LYZL1: variants seen among roughly 807,000 people sequenced by gnomAD.
The protein encoded by LYZL1 is lysozyme-like protein 1.
In LYZL1, 16 loss-of-function variants were observed where a neutral mutation model predicts 17.9. That is an observed-to-expected ratio of 0.90 (90% CI 0.61 to 1.36). LYZL1 has a LOEUF of 1.36. Ranked by LOEUF, LYZL1 falls within the 40% of genes most tolerant of loss-of-function variation. LYZL1 has a pLI of 0.00. For missense variants in LYZL1, 149 were observed against 188.4 expected (o/e 0.79, Z 1.22); for synonymous variants, 58 against 71.8 (o/e 0.81, Z 0.97).
chr10:29,306,549 CAAAAAAAAAAAAAAAAAA>C (rs58001118), intron 3 of LYZL1, among the ~76,000 whole-genome samples: 3 of 48,794 alleles, frequency 6.1e-5, no homozygotes, highest in Non-Finnish European at 1.1e-4. Flanking sequence ...GACTCCGTCT[CAAAAAAAAAAAAAAAAAA>C]AAAAAAAAGA....
downstream of LYZL1, among the ~76,000 whole-genome samples, chr10:29,312,421 T>C (rs1372076566): frequency 6.6e-6 from 1 of 152,068 alleles, no homozygotes; most frequent in Non-Finnish European, 1.5e-5. Context: ...TCAGCTATTG[T>C]TAGTGTATTT....
intron 3 of LYZL1, among the ~76,000 whole-genome samples, chr10:29,306,796 ATGTGTGTGTGTG>A (rs35332190): frequency 7.8e-5 from 11 of 141,184 alleles, no homozygotes; most frequent in South Asian, 2.3e-4. Context: ...CCGCTTATGT[ATGTGTGTGTGTG>A]TGTGTGTGTG....
At chr10:29,297,858 A>G (rs1316792055) in intron 3 of LYZL1, among the ~76,000 whole-genome samples, 2 of 152,246 alleles carry the variant, frequency 1.3e-5, no homozygotes, top group African/African-American at 2.4e-5. Flanking sequence ...TAAAAGTTCC[A>G]TACAAAAAAT....
intron 4 of LYZL1, chr10:29,317,598 C>A (rs571164146): frequency 6.6e-6 from 1 of 152,344 alleles, no homozygotes; most frequent in Non-Finnish European, 1.5e-5. Context: ...CCTTGAGAGA[C>A]TGCCAGAGCT....
rs778807136 is a variant in LYZL1, at chr10:29,293,127, C to CTTTTT, written c.298+452_298+456dup. 2.2e-3 allele frequency among the ~76,000 whole-genome samples: 229 copies of CTTTTT among 104,148 alleles called. 11 individuals carry two copies. The highest frequency in any genetic ancestry group is 6.0e-3 in the Middle Eastern group (1 of 166). The allele number at this position is 104,148 out of a possible 152,430, so 68.3% of individuals were successfully genotyped here. Reference sequence around the variant, plus strand: ...TCTTTCTTTTTTTTTCTTTTCTTTTCTTTTTTCTTTTTTTTTTTTTTTTGA... The same window carrying CTTTTT: ...TCTTTCTTTTTTTTTCTTTTCTTTTCTTTTTTTTTTTCTTTTTTTTTTTTTTTTGA... On this transcript the variant is annotated intron_variant, in intron 3 of 4. Coordinates refer to ENST00000649382, the MANE Select transcript of LYZL1 (RefSeq NM_032517.6).
At chr10:29,293,112 T>C (rs1462965281) in intron 3 of LYZL1, among the ~76,000 whole-genome samples, 6 of 142,396 alleles carry the variant, frequency 4.2e-5, no homozygotes, top group South Asian at 2.2e-4. Context: ...TCTTTCTTTT[T>C]TTTTCTTTTC....
chr10:29,303,450 C>G (rs1198524785), intron 3 of LYZL1, among the ~76,000 whole-genome samples: 1 of 152,058 alleles, frequency 6.6e-6, no homozygotes, highest in Non-Finnish European at 1.5e-5. Flanking sequence ...GTCTAGTCTT[C>G]TGGTTGTTTA....
At chr10:29,290,438 G>A (rs1455656856) in intron 1 of LYZL1, among the ~76,000 whole-genome samples, 7 of 152,056 alleles carry the variant, frequency 4.6e-5, no homozygotes, top group Non-Finnish European at 5.9e-5. Flanking sequence ...ATGAGGCTTT[G>A]TCCTCCATCC....
chr10:29,290,213 C>G (rs1835343375), intron 1 of LYZL1, among the ~76,000 whole-genome samples: 1 of 152,164 alleles, frequency 6.6e-6, no homozygotes. Flanking sequence ...GTAAGAACAT[C>G]AAGTTCAGGA....
chr10:29,291,914 G>A lies in LYZL1; in HGVS notation c.47G>A (p.Gly16Asp). The change falls in exon 2 of 5, where the codon GGC (glycine) becomes GAC (aspartate). Residue 16 changes from glycine (G) to aspartate (D), a missense_variant. Gly to Asp is a moderately conservative substitution (Grantham distance 94). Around this residue, in one of 2 missense-constraint regions of LYZL1, gnomAD observed 19 missense variants for 55.9 expected, o/e 0.34. Transcript: ENST00000649382. ...ILTLIGCLVT[G>D]AESKIYTRCK... is the part of the protein sequence containing the mutation. ...ACCCTCATTGGCTGCCTGGTCACAG[G>A]CGCCGAGTCCAAAATCTACACTCGT... 2 of 1,592,890 alleles carry A rather than the reference G, an allele frequency of 1.3e-6. No homozygotes were observed. The highest frequency in any genetic ancestry group is 1.7e-6 in the Non-Finnish European group (2 of 1,168,062).
chr10:29,315,409 G>A (rs12257920), downstream of LYZL1, among the ~76,000 whole-genome samples: 414 of 152,224 alleles, frequency 2.7e-3, 1 homozygote, highest in African/African-American at 9.3e-3. Context: ...CTACTCTGGA[G>A]GCTGAGGCAT....
At chr10:29,315,659 G>T (rs1835721730), downstream of LYZL1, among the ~76,000 whole-genome samples, 1 of 151,990 alleles carries the variant, frequency 6.6e-6, no homozygotes, top group Non-Finnish European at 1.5e-5. Context: ...ACCAGCATGG[G>T]CAACAGAGTG....
chr10:29,307,030 T>G (rs58654559), intron 3 of LYZL1, among the ~76,000 whole-genome samples: 2 of 152,134 alleles, frequency 1.3e-5, no homozygotes, highest in African/African-American at 4.8e-5. Context: ...AATTTTTGTA[T>G]TTTTAGAAGA....
chr10:29,308,496 T>G (rs1835626539), intron 3 of LYZL1, among the ~76,000 whole-genome samples: 1 of 152,204 alleles, frequency 6.6e-6, no homozygotes, highest in Non-Finnish European at 1.5e-5. Flanking sequence ...CGTCTGTTCC[T>G]GGAGACCCAA....
At chr10:29,317,016 C>A (rs1344802123) in intron 3 of LYZL1, among the ~76,000 whole-genome samples, 1 of 152,086 alleles carries the variant, frequency 6.6e-6, no homozygotes, top group Non-Finnish European at 1.5e-5. Flanking sequence ...TCATGTCCAG[C>A]CTCTTCCAGG....
chr10:29,296,510 T>C (rs887603965), intron 3 of LYZL1, among the ~76,000 whole-genome samples: 8 of 152,212 alleles, frequency 5.3e-5, no homozygotes, highest in African/African-American at 1.9e-4. Context: ...TGACTGCCCC[T>C]CACTCACCCT....
Sources: allele counts gnomAD v4.1 joint callset (sites outside exome capture counted in the v4.1 genomes callset), GRCh38; gene constraint gnomAD v4.1.1; regional missense constraint gnomAD v4.1.1; transcripts MANE v1.5; gene names NCBI Gene and HGNC (gene_info 2026-07-23, HGNC 2026-07-21).